The following POC1B variants were observed in gnomAD, a reference collection of about 807,000 sequenced individuals.
POC1B encodes POC1 centriolar protein homolog B.
In POC1B, 44 loss-of-function variants were observed where a neutral mutation model predicts 60.6. The ratio of observed to expected loss-of-function variants is 0.73; its 90% CI spans 0.57 to 0.93. The LOEUF (loss-of-function observed/expected upper bound fraction) is 0.93, where lower values mean the gene tolerates loss of function less well. POC1B is among the 40% of genes least tolerant of loss of function. The pLI is 0.00. For synonymous variants in POC1B, 180 were observed against 198.9 expected, an observed-to-expected ratio of 0.90 and a Z score of 0.80; for missense variants, 555 against 572.3, an observed-to-expected ratio of 0.97 and a Z score of 0.31.
chr12:89,511,007 G>C lies in POC1B; in HGVS notation c.101-13665C>G, dbSNP rs112258230. Among the ~76,000 whole-genome samples, 440 of 151,866 alleles carry C rather than the reference G, an allele frequency of 2.9e-3. 4 individuals carry two copies. The highest frequency in any genetic ancestry group is 0.012 in the East Asian group (59 of 5,122). On this transcript the variant is annotated intron_variant, in intron 2 of 11. Coordinates refer to ENST00000313546, the MANE Select transcript of POC1B (RefSeq NM_172240.3). ...TGGCCTCAGGTGATCTGCCTACTTCGGCCCCCCAAAGTGCTGGGATACAGG... is the reference window on the plus strand; with the variant it reads ...TGGCCTCAGGTGATCTGCCTACTTCCGCCCCCCAAAGTGCTGGGATACAGG...
At chr12:89,444,498 C>A (rs1007529694) in intron 10 of POC1B, among the ~76,000 whole-genome samples, 1 of 152,144 alleles carries the variant, frequency 6.6e-6, no homozygotes, top group African/African-American at 2.4e-5. Flanking sequence ...GAACCAAAGA[C>A]AAAAACCACA....
intron 10 of POC1B, among the ~76,000 whole-genome samples, chr12:89,438,972 T>C (rs1881395884): frequency 6.6e-6 from 1 of 152,198 alleles, no homozygotes; most frequent in Non-Finnish European, 1.5e-5. Context: ...CCTACTTCAA[T>C]GAATGGCACA....
intron 2 of POC1B, chr12:89,501,818 G>A (rs1869583143): frequency 4.3e-6 from 5 of 1,167,068 alleles, no homozygotes; most frequent in Non-Finnish European, 6.5e-6. Context: ...AAGAATATTG[G>A]GAAAAAAACT....
chr12:89,470,250 G>T, intron 7 of POC1B, 111 bp downstream of exon 7: 2 of 584,580 alleles, frequency 3.4e-6, no homozygotes, highest in Non-Finnish European at 4.6e-6. Context: ...TAGCAGCAAT[G>T]TGTGCTATGT....
intron 2 of POC1B, among the ~76,000 whole-genome samples, chr12:89,516,013 A>C (rs889581460): frequency 1.4e-4 from 21 of 152,162 alleles, no homozygotes; most frequent in African/African-American, 5.1e-4. Context: ...TTGCTGGTCA[A>C]CCCAACCCCC....
At chr12:89,514,796 T>C (rs1381326029) in intron 2 of POC1B, among the ~76,000 whole-genome samples, 1 of 151,986 alleles carries the variant, frequency 6.6e-6, no homozygotes, top group Non-Finnish European at 1.5e-5. Flanking sequence ...ATGCTTCAGG[T>C]CCTGCTTCCT....
chr12:89,444,830 G>A (rs958771869), intron 10 of POC1B, among the ~76,000 whole-genome samples: 2 of 152,098 alleles, frequency 1.3e-5, no homozygotes, highest in East Asian at 1.9e-4. Flanking sequence ...CTGTTTGCAG[G>A]TGACATGATT....
chr12:89,490,314 CCAGG>C (rs1003395212), intron 4 of POC1B, among the ~76,000 whole-genome samples: 1 of 152,088 alleles, frequency 6.6e-6, no homozygotes, highest in Non-Finnish European at 1.5e-5. Flanking sequence ...TCCTTCCCGC[CCAGG>C]CAGTTTTTGT....
intron 2 of POC1B, among the ~76,000 whole-genome samples, chr12:89,516,001 AATTGCTGGTCAACCCAACCCCCAAACAG>A (rs1158159863): frequency 6.6e-6 from 1 of 152,188 alleles, no homozygotes; most frequent in East Asian, 1.9e-4. Context: ...TACCAGTGAG[AATTGCTGGTCAACCCAACCCCCAAACAG>A]ATTGGAAACA....
chr12:89,502,677 T>C, intron 2 of POC1B: 1 of 1,335,810 alleles, frequency 7.5e-7, no homozygotes, highest in Non-Finnish European at 1.1e-6. Flanking sequence ...CATGGTGAGT[T>C]GAAGGTATAT....
intron 10 of POC1B, among the ~76,000 whole-genome samples, chr12:89,443,957 C>A (rs1299402022): frequency 2.0e-5 from 3 of 152,060 alleles, no homozygotes; most frequent in African/African-American, 7.3e-5. Context: ...AAACTACCAT[C>A]AGAAAATAAC....
intron 9 of POC1B, among the ~76,000 whole-genome samples, chr12:89,460,375 CATAA>C (rs781063060): frequency 2.6e-5 from 4 of 152,068 alleles, no homozygotes; most frequent in African/African-American, 9.7e-5. Context: ...GAAACTGTAT[CATAA>C]ATAACTCAAA....
At chr12:89,459,091 T>C (rs1303586046) in intron 10 of POC1B, among the ~76,000 whole-genome samples, 1 of 152,070 alleles carries the variant, frequency 6.6e-6, no homozygotes, top group East Asian at 1.9e-4. Flanking sequence ...GTTTAGCACC[T>C]CTGAAGGACA....
intron 4 of POC1B, among the ~76,000 whole-genome samples, chr12:89,479,563 T>TTA (rs1476482626): frequency 6.6e-6 from 1 of 151,024 alleles, no homozygotes; most frequent in Non-Finnish European, 1.5e-5. Flanking sequence ...TTTATTTAAA[T>TTA]TAACCTTTGT....
At chr12:89,508,597 T>C (rs1008803627) in intron 2 of POC1B, among the ~76,000 whole-genome samples, 2 of 152,236 alleles carry the variant, frequency 1.3e-5, no homozygotes, top group African/African-American at 4.8e-5. Context: ...AGTTACTATT[T>C]TTCCCTTTGG....
intron 2 of POC1B, among the ~76,000 whole-genome samples, chr12:89,517,973 T>A (rs1219815684): frequency 1.3e-5 from 2 of 152,186 alleles, no homozygotes; most frequent in East Asian, 3.8e-4. Flanking sequence ...AAGACACTGC[T>A]GGCCTGCAGT....
At chr12:89,510,760 A>ATTCTTTT (rs1480429141) in intron 2 of POC1B, among the ~76,000 whole-genome samples, 1 of 65,178 alleles carries the variant, frequency 1.5e-5, no homozygotes, top group East Asian at 5.4e-4. Flanking sequence ...ATATGTTTTT[A>ATTCTTTT]TTCTTTTTTT....
intron 2 of POC1B, chr12:89,502,479 T>G (rs1170453465): frequency 1.7e-6 from 2 of 1,148,882 alleles, no homozygotes; most frequent in Non-Finnish European, 2.6e-6. Flanking sequence ...TTGGAAAAGT[T>G]GACAAAAAAA....
At chr12:89,402,435 T>C in the POC1B span, among the ~76,000 whole-genome samples, 1 of 152,150 alleles carries the variant, frequency 6.6e-6, no homozygotes, top group Non-Finnish European at 1.5e-5. Flanking sequence ...GGTAAACCTA[T>C]GTACGGGGGG....
Sources: allele counts gnomAD v4.1 joint callset (sites outside exome capture counted in the v4.1 genomes callset), GRCh38; gene constraint gnomAD v4.1.1; transcripts MANE v1.5; gene names NCBI Gene and HGNC (gene_info 2026-07-23, HGNC 2026-07-21).